TTN: variants seen among roughly 807,000 people sequenced by gnomAD.
The protein encoded by TTN is connectin.
A neutral mutation model predicts 3,223.0 loss-of-function variants in TTN; 1,525 were observed. The observed-to-expected ratio is 0.47, with a 90% CI of 0.45 to 0.49. TTN has a LOEUF of 0.49. Ranked by LOEUF, TTN falls within the 20% of genes least tolerant of loss-of-function variation. The pLI, the probability that TTN is intolerant of heterozygous loss-of-function variation, is 0.00. For missense variants in TTN, 40,786 were observed against 43,424.0 expected, an observed-to-expected ratio of 0.94 and a Z score of 5.40; for synonymous variants, 14,094 against 15,161.0, an observed-to-expected ratio of 0.93 and a Z score of 5.17.
intron 155 of TTN, among the ~76,000 whole-genome samples, chr2:178,671,705 T>C (rs2067010570): frequency 6.6e-6 from 1 of 151,762 alleles, no homozygotes; most frequent in African/African-American, 2.4e-5. Context: ...GTAACAATTG[T>C]GTAACATTCT....
intron 9 of TTN, 124 bp downstream of exon 9, chr2:178,793,280 G>T: frequency 7.2e-7 from 1 of 1,396,580 alleles, no homozygotes. Flanking sequence ...ATACAACAAG[G>T]GGATCTTATT....
In TTN at chr2:178,608,753, C is replaced by A. The variant is rs1215579052; in HGVS notation, c.52258G>T (p.Val17420Phe). 6.2e-7 allele frequency: 1 copy of A among 1,612,524 alleles called. No individual in the cohort carries two copies. Among genetic ancestry groups the A allele is most frequent in the Non-Finnish European group, 8.5e-7 (1 of 1,179,248 alleles). Residue 17420 changes from valine (V) to phenylalanine (F), a missense_variant, in exon 274 of 363, where the codon GTT becomes TTT. Coordinates refer to ENST00000589042, the MANE Select transcript of TTN (RefSeq NM_001267550.2). ...DKTKPDSEWI[V>F]VTSTLRHCKY... ...CAATGTCTAAGTGTTGAAGTGACAACAATCCATTCTGAGTCGGGTTTTGTC... is the reference window on the plus strand; with the variant it reads ...CAATGTCTAAGTGTTGAAGTGACAAAAATCCATTCTGAGTCGGGTTTTGTC...
At position 178,677,606 on chromosome 2, in the gene TTN, GA is replaced by G; in HGVS notation, c.34291+14del. 6.3e-7 allele frequency: 1 copy of G among 1,591,776 alleles called. No individual in the cohort carries two copies. Among genetic ancestry groups the G allele is most frequent in the African/African-American group, 1.4e-5 (1 of 73,660 alleles). Reference sequence around the variant, plus strand: ...ACAAAAGAGGCCTTGATGATTCCAAGAAGAGCTGCTATACCTGGTGCAGGTA... The same window carrying G: ...ACAAAAGAGGCCTTGATGATTCCAAGAGAGCTGCTATACCTGGTGCAGGTA... On this transcript the variant is annotated intron_variant, in intron 146 of 362. Coordinates refer to ENST00000589042, the MANE Select transcript of TTN (RefSeq NM_001267550.2).
intron 270 of TTN, 80 bp from the exon 271 acceptor site, chr2:178,610,469 A>C (rs951996865): frequency 6.8e-7 from 1 of 1,463,750 alleles, no homozygotes; most frequent in African/African-American, 1.4e-5. Context: ...AAGTGGGGCT[A>C]TCTGTATTTT....
chr2:178,635,711 G>A lies in TTN; in HGVS notation c.41613C>T (p.Val13871=). ...TAGGTTTCACCAGCCAATCTCTAATGACTTCTATATGAAAATAAGATCAGA... is the reference window on the plus strand; with the variant it reads ...TAGGTTTCACCAGCCAATCTCTAATAACTTCTATATGAAAATAAGATCAGA... ...ECSSCVKVVE[V]IRDWLVKPIR... is the part of the protein sequence containing the mutation. The change falls in exon 227 of 363, where the codon GTC becomes GTT. Residue 13871 remains valine, a synonymous_variant. Coordinates refer to ENST00000589042, the MANE Select transcript of TTN (RefSeq NM_001267550.2). The A allele has an allele frequency of 6.3e-7, 1 of 1,597,300 alleles. No individual in the cohort carries two copies. The highest frequency in any genetic ancestry group is 8.5e-7 in the Non-Finnish European group (1 of 1,172,046).
Position 178,569,533 on chromosome 2 carries a change from A to G in TTN, c.76599T>C (p.Pro25533=). 1 of 1,612,618 alleles carries G rather than the reference A, an allele frequency of 6.2e-7. No individual in the cohort carries two copies. Among genetic ancestry groups the G allele is most frequent in the Non-Finnish European group, 8.5e-7 (1 of 1,179,240 alleles). The change falls in exon 326 of 363, where the codon CCT becomes CCC. Residue 25533 remains proline, a synonymous_variant. Coordinates refer to ENST00000589042, the MANE Select transcript of TTN (RefSeq NM_001267550.2). The stretch of plus-strand genomic sequence containing the variant: ...CTTCTGGTGTAGGACGACCTTTTAT[A>G]GGAACAAATAACCTTAAGGAGCCAC... ...RAGGSLRLFV[P]IKGRPTPEVK... is the part of the protein sequence containing the mutation.
At chr2:178,639,914 T>C (rs2061003958) in intron 222 of TTN, 126 bp from the exon 223 acceptor site, 2 of 1,425,578 alleles carry the variant, frequency 1.4e-6, no homozygotes, top group Non-Finnish European at 1.9e-6. Context: ...AAGAGAATAG[T>C]ATATTAAGCA....
chr2:178,559,492 G>A lies in TTN; in HGVS notation c.86640C>T (p.Tyr28880=). 1.2e-6 allele frequency: 2 copies of A among 1,613,722 alleles called. No individual in the cohort carries two copies. Among genetic ancestry groups the A allele is most frequent in the South Asian group, 2.2e-5 (2 of 91,072 alleles). ...ENDGGAPVKN[Y]HIEKREASKK... ...TGCTGGCCTCACGTTTTTCTATGTG[G>A]TAATTCTTCACTGGTGCTCCACCAT... Residue 28880 remains tyrosine (Y), a synonymous_variant, in exon 326 of 363, where the codon TAC becomes TAT. Coordinates refer to ENST00000589042, the MANE Select transcript of TTN (RefSeq NM_001267550.2).
chr2:178,750,582 G>A, intron 47 of TTN: 2 of 1,612,462 alleles, frequency 1.2e-6, no homozygotes, highest in Non-Finnish European at 1.7e-6. Context: ...GGGCAACGTT[G>A]TGGGCGTTTT....
intron 9 of TTN, 97 bp downstream of exon 9, chr2:178,793,307 T>A (rs879235671): frequency 5.3e-6 from 8 of 1,512,824 alleles, no homozygotes; most frequent in Non-Finnish European, 5.4e-6. Context: ...CTAACAACCA[T>A]GTGGCCCAAG....
intron 250 of TTN, 42 bp downstream of exon 250, chr2:178,619,579 C>T (rs1202754628): frequency 1.3e-6 from 2 of 1,594,788 alleles, no homozygotes; most frequent in African/African-American, 1.4e-5. Context: ...GAAATCTAAA[C>T]TCTGTGATAT....
Position 178,800,690 on chromosome 2 carries a change from G to A in TTN, c.296-8C>T. 2 of 1,603,326 alleles carry A rather than the reference G, an allele frequency of 1.2e-6. No individual in the cohort carries two copies. The highest frequency in any genetic ancestry group is 1.7e-6 in the Non-Finnish European group (2 of 1,174,996). On this transcript the variant is annotated splice_polypyrimidine_tract_variant and splice_region_variant and intron_variant, in intron 3 of 362. Coordinates refer to ENST00000589042, the MANE Select transcript of TTN (RefSeq NM_001267550.2). ...TGGGTGGTGCTGTCTCAGCTGCGGG[G>A]ACAAGAGAACAAAGTCAAGAGTGAG...
rs794729424 is a variant in TTN at position 178,636,603 on chromosome 2, A to G, written c.41124T>C (p.Cys13708=). ...EFVGSSAIFE[C]LVSPSTAITT... is the part of the protein sequence containing the mutation. ...TAATTGCAGTGGAAGGGGAGACCAAACATTCAAAGATTGCTGAAGAGCCAA... is the reference window on the plus strand; with the variant it reads ...TAATTGCAGTGGAAGGGGAGACCAAGCATTCAAAGATTGCTGAAGAGCCAA... Residue 13708 remains cysteine, a synonymous_variant, in exon 225 of 363, where the codon TGT becomes TGC. Transcript: ENST00000589042. The surrounding 1 kb of genome is among the most constrained non-coding windows in gnomAD (Gnocchi z 4.3). 1 of 1,613,480 alleles carries G rather than the reference A, an allele frequency of 6.2e-7. No homozygotes were observed. Among genetic ancestry groups the G allele is most frequent in the Non-Finnish European group, 8.5e-7 (1 of 1,179,590 alleles).
chr2:178,717,983 A>T lies in TTN; in HGVS notation c.25023T>A (p.Ser8341Arg), dbSNP rs1221926854. ...VGEYSCKADN[S>R]VGAVASSAVL... is the part of the protein sequence containing the mutation. ...CAGCTGAAGAAGCGACTGCCCCCACACTGTTGTCTGCCTTGCATGAATACT... is the reference window on the plus strand; with the variant it reads ...CAGCTGAAGAAGCGACTGCCCCCACTCTGTTGTCTGCCTTGCATGAATACT... Residue 8341 changes from serine to arginine, a missense_variant, in exon 86 of 363, where the codon AGT becomes AGA. Ser to Arg is a moderately radical substitution (Grantham distance 110, BLOSUM62 -1). Transcript: ENST00000589042. 6.2e-7 allele frequency: 1 copy of T among 1,613,522 alleles called. No homozygotes were observed. The highest frequency in any genetic ancestry group is 8.5e-7 in the Non-Finnish European group (1 of 1,179,546).
At position 178,739,900 on chromosome 2, in the gene TTN, C is replaced by G; in HGVS notation, c.13333G>C (p.Val4445Leu). The G allele has an allele frequency of 3.7e-6, 6 of 1,613,840 alleles. No homozygotes were observed. Among genetic ancestry groups the G allele is most frequent in the Non-Finnish European group, 5.1e-6 (6 of 1,179,820 alleles). ...TCTGTTACAGACTTTGCCGAAGTAA[C>G]AAGGTACATGCACATGATGTGTCTG... Reference protein sequence around the residue: ...EPRHIMCMYLVTSAKSVTEEV... With the variant: ...EPRHIMCMYLLTSAKSVTEEV... The change falls in exon 48 of 363, where the codon GTT becomes CTT. Residue 4445 changes from valine (V) to leucine (L), a missense_variant. Transcript: ENST00000589042.
Position 178,784,340 on chromosome 2 carries a change from G to A in TTN, c.2505C>T (p.Ala835=), listed in dbSNP as rs754725705. 10 of 1,613,836 alleles carry A rather than the reference G, an allele frequency of 6.2e-6. No individual in the cohort carries two copies. Among genetic ancestry groups the A allele is most frequent in the South Asian group, 3.3e-5 (3 of 91,082 alleles). ...TTTGTAATGTGGCAATAGCACTACCGGCTATTGATGCCTACATGGAAACAG... is the reference window on the plus strand; with the variant it reads ...TTTGTAATGTGGCAATAGCACTACCAGCTATTGATGCCTACATGGAAACAG... ...KTEHGYEASI[A]GSAIATLQKE... The change falls in exon 16 of 363, where the codon GCC becomes GCT. Residue 835 remains alanine, a synonymous_variant. Coordinates refer to ENST00000589042, the MANE Select transcript of TTN (RefSeq NM_001267550.2).
rs181484483 is a variant in TTN, at chr2:178,716,396, G to C, written c.25640-622C>G. Among the ~76,000 whole-genome samples, 4 of 152,202 alleles carry C rather than the reference G, an allele frequency of 2.6e-5. No individual in the cohort carries two copies. The East Asian group carries it at 7.7e-4, about 29-fold the overall frequency. On this transcript the variant is annotated intron_variant, in intron 88 of 362. Coordinates refer to ENST00000589042, the MANE Select transcript of TTN (RefSeq NM_001267550.2). Reference sequence around the variant, plus strand: ...TAAAAGTGATTAGCTATATGTCATAGAGCAAATGGGCTGCTAAATCTAATT... The same window carrying C: ...TAAAAGTGATTAGCTATATGTCATACAGCAAATGGGCTGCTAAATCTAATT...
chr2:178,625,961 T>C (rs2058974557), intron 240 of TTN, among the ~76,000 whole-genome samples: 1 of 152,012 alleles, frequency 6.6e-6, no homozygotes, highest in South Asian at 2.1e-4. Context: ...TTTACATTTG[T>C]GGTCTTTTTT....
At chr2:178,771,166 A>C in intron 34 of TTN, 45 bp downstream of exon 34, 1 of 1,612,624 alleles carries the variant, frequency 6.2e-7, no homozygotes, top group Non-Finnish European at 8.5e-7. Flanking sequence ...GATAACGATC[A>C]AGATTGTAAT....
Sources: allele counts gnomAD v4.1 joint callset (sites outside exome capture counted in the v4.1 genomes callset), GRCh38; gene constraint gnomAD v4.1.1; non-coding constraint Gnocchi (gnomAD v3.1); transcripts MANE v1.5; gene names NCBI Gene and HGNC (gene_info 2026-07-23, HGNC 2026-07-21).